The following CLVS1 variants were observed in gnomAD, a reference collection of about 807,000 sequenced individuals.
The protein encoded by CLVS1 is clavesin 1.
Under a neutral mutation model 33.1 loss-of-function variants are expected in CLVS1, and 10 were observed. The ratio of observed to expected loss-of-function variants is 0.30; its 90% confidence interval spans 0.19 to 0.51. The LOEUF is 0.51. Ranked by LOEUF, CLVS1 falls within the 20% of genes least tolerant of loss-of-function variation. The pLI, the probability that CLVS1 is intolerant of heterozygous loss-of-function variation, is 0.97. For synonymous variants in CLVS1, 163 were observed against 166.1 expected (o/e 0.98, Z 0.14); for missense variants, 343 against 433.4 (o/e 0.79, Z 1.85).
intron 3 of CLVS1, among the ~76,000 whole-genome samples, chr8:61,436,909 A>C (rs1464286774): frequency 6.6e-6 from 1 of 152,200 alleles, no homozygotes. Context: ...GGGGCCATAT[A>C]AAATATGAGA....
intron 1 of CLVS1, among the ~76,000 whole-genome samples, chr8:61,118,650 A>C (rs566609395): frequency 6.6e-6 from 1 of 151,820 alleles, no homozygotes; most frequent in South Asian, 2.1e-4. Context: ...ATTCAGGAGC[A>C]GGTTGTTCAG....
At chr8:61,121,219 G>T (rs1032125515) in intron 1 of CLVS1, among the ~76,000 whole-genome samples, 1 of 152,166 alleles carries the variant, frequency 6.6e-6, no homozygotes, top group South Asian at 2.1e-4. Flanking sequence ...GCAATGCCTC[G>T]CCCTGCTTCG....
the CLVS1 span, among the ~76,000 whole-genome samples, chr8:61,014,407 A>G: frequency 1.3e-5 from 2 of 152,122 alleles, no homozygotes; most frequent in Non-Finnish European, 1.5e-5. Context: ...ATTTCCTTTT[A>G]TCAACGGCAG....
rs549955338 is a variant in CLVS1, at chr8:61,240,894, G to GTTTTTTTTTTTTTTTTT, written c.-151-58782_-151-58766dup. On this transcript the variant is annotated intron_variant, in intron 2 of 2. Transcript: ENST00000522621. The stretch of plus-strand genomic sequence containing the variant: ...CTAAAATGAATGATGTTTGCTGTAG[G>GTTTTTTTTTTTTTTTTT]TTTTTTTTTTTTTTTTTAAAATAGA... 5.2e-3 allele frequency among the ~76,000 whole-genome samples: 684 copies of GTTTTTTTTTTTTTTTTT among 130,442 alleles called. 24 individuals are homozygous for GTTTTTTTTTTTTTTTTT. The highest frequency in any genetic ancestry group is 0.021 in the African/African-American group (645 of 31,378). 85.6% of individuals were successfully genotyped at this position (130,442 alleles called of 152,430 possible).
chr8:61,235,395 T>C (rs2129313057), intron 2 of CLVS1, among the ~76,000 whole-genome samples: 2 of 152,350 alleles, frequency 1.3e-5, no homozygotes, highest in South Asian at 4.1e-4. Flanking sequence ...AAATCACAGA[T>C]GCACTTACCT....
chr8:61,253,272 G>T (rs1044803128), intron 2 of CLVS1, among the ~76,000 whole-genome samples: 1 of 152,204 alleles, frequency 6.6e-6, no homozygotes, highest in African/African-American at 2.4e-5. Context: ...GGCTTGTAGA[G>T]TTTTTGCCAA....
chr8:61,044,015 A>G, the CLVS1 span, among the ~76,000 whole-genome samples: 2 of 152,212 alleles, frequency 1.3e-5, no homozygotes, highest in African/African-American at 2.4e-5. Context: ...TGAAGGCAGT[A>G]TATTCTGTAC....
At chr8:61,122,199 A>G (rs1805883592) in intron 1 of CLVS1, among the ~76,000 whole-genome samples, 1 of 152,224 alleles carries the variant, frequency 6.6e-6, no homozygotes, top group Non-Finnish European at 1.5e-5. Context: ...TCTGCTTATA[A>G]GTACAGAGCA....
At chr8:61,047,172 A>G in the CLVS1 span, among the ~76,000 whole-genome samples, 1 of 152,208 alleles carries the variant, frequency 6.6e-6, no homozygotes, top group African/African-American at 2.4e-5. Flanking sequence ...TTCTCAAAAG[A>G]AGACATTTAT....
At chr8:61,233,521 AAAAG>A (rs1306982207) in intron 2 of CLVS1, among the ~76,000 whole-genome samples, 3 of 151,530 alleles carry the variant, frequency 2.0e-5, no homozygotes, top group Non-Finnish European at 1.5e-5. Context: ...AAAAAAAAAA[AAAAG>A]AAAGAAAAAG....
chr8:61,487,406 A>G (rs905436128), intron 5 of CLVS1, among the ~76,000 whole-genome samples: 4 of 152,266 alleles, frequency 2.6e-5, no homozygotes, highest in African/African-American at 9.6e-5. Flanking sequence ...AACTTACCTC[A>G]GATCACAGAG....
chr8:61,462,804 C>A (rs1817414290), intron 5 of CLVS1, among the ~76,000 whole-genome samples: 1 of 152,106 alleles, frequency 6.6e-6, no homozygotes, highest in Non-Finnish European at 1.5e-5. Flanking sequence ...TAACATAATT[C>A]TTAAAGGTCC....
At chr8:61,356,294 G>T (rs184921197) in intron 2 of CLVS1, among the ~76,000 whole-genome samples, 2 of 152,048 alleles carry the variant, frequency 1.3e-5, no homozygotes, top group Non-Finnish European at 2.9e-5. Context: ...GTTTGAGTTC[G>T]TTGTAGATTC....
intron 5 of CLVS1, among the ~76,000 whole-genome samples, chr8:61,488,406 G>A (rs1803954400): frequency 6.6e-6 from 1 of 152,094 alleles, no homozygotes; most frequent in African/African-American, 2.4e-5. Flanking sequence ...GAATTTTTTT[G>A]TTGAATTGCT....
chr8:61,137,872 A>C (rs149068523), intron 2 of CLVS1, among the ~76,000 whole-genome samples: 1 of 152,238 alleles, frequency 6.6e-6, no homozygotes, highest in Non-Finnish European at 1.5e-5. Flanking sequence ...GTGTATGGAG[A>C]AGGTGCACCT....
At chr8:61,343,734 C>T (rs1461344334) in intron 2 of CLVS1, among the ~76,000 whole-genome samples, 2 of 152,264 alleles carry the variant, frequency 1.3e-5, no homozygotes, top group East Asian at 3.9e-4. Flanking sequence ...TCCTCTGATT[C>T]TCCAAAGTGA....
At chr8:61,095,167 C>G (rs7007969) in intron 1 of CLVS1, among the ~76,000 whole-genome samples, 42,276 of 152,118 alleles carry the variant, frequency 0.28, 6,617 homozygotes, top group East Asian at 0.61. Flanking sequence ...TGAACTCGCC[C>G]TACCTAGTTA....
At position 61,476,229 on chromosome 8, in the gene CLVS1, G is replaced by A. The variant is rs201488200; in HGVS notation, c.977+17687G>A. 5.5e-4 allele frequency among the ~76,000 whole-genome samples: 84 copies of A among 152,300 alleles called. 1 individual carries two copies. The highest frequency in any genetic ancestry group is 2.7e-3 in the South Asian group (13 of 4,830). On this transcript the variant is annotated intron_variant, in intron 5 of 5. Transcript: ENST00000325897. ...GTAGCATAGTTTGAAGTCAGGTAGC[G>A]TGATGCCTCCAACTTTGTTCTTTTG...
At chr8:61,132,490 G>T (rs1806119302) in intron 2 of CLVS1, among the ~76,000 whole-genome samples, 1 of 152,236 alleles carries the variant, frequency 6.6e-6, no homozygotes, top group South Asian at 2.1e-4. Flanking sequence ...AATGGGGCAG[G>T]CTTCAGGGTC....
Sources: allele counts gnomAD v4.1 joint callset (sites outside exome capture counted in the v4.1 genomes callset), GRCh38; gene constraint gnomAD v4.1.1; transcripts MANE v1.5; gene names NCBI Gene and HGNC (gene_info 2026-07-23, HGNC 2026-07-21).